GRIK2: variants seen among roughly 807,000 people sequenced by gnomAD.
The protein encoded by GRIK2 is glutamate ionotropic receptor kainate type subunit 2.
A neutral mutation model predicts 100.3 loss-of-function variants in GRIK2; 32 were observed. The observed-to-expected ratio is 0.32, with a 90% CI of 0.24 to 0.43. The LOEUF is 0.43. GRIK2 is among the 20% of genes least tolerant of loss of function. GRIK2 has a pLI of 1.00. For missense variants in GRIK2, 843 were observed against 1,114.9 expected, an observed-to-expected ratio of 0.76 and a Z score of 3.47; for synonymous variants, 417 against 389.4, an observed-to-expected ratio of 1.07 and a Z score of -0.83.
At chr6:101,546,387 C>T (rs1483658639) in intron 2 of GRIK2, among the ~76,000 whole-genome samples, 1 of 152,084 alleles carries the variant, frequency 6.6e-6, no homozygotes, top group African/African-American at 2.4e-5. Context: ...TGAGAATTTT[C>T]TATATCTCCA....
At chr6:101,864,210 C>A (rs1264919465) in intron 11 of GRIK2, among the ~76,000 whole-genome samples, 1 of 151,654 alleles carries the variant, frequency 6.6e-6, no homozygotes, top group East Asian at 1.9e-4. Flanking sequence ...AGGACTATAG[C>A]CTTCTTTAAC....
intron 2 of GRIK2, among the ~76,000 whole-genome samples, chr6:101,535,843 G>C (rs759807053): frequency 6.6e-6 from 1 of 151,454 alleles, no homozygotes; most frequent in Non-Finnish European, 1.5e-5. Flanking sequence ...GCACCTAAAC[G>C]AAGTATTGTG....
intron 7 of GRIK2, among the ~76,000 whole-genome samples, chr6:101,773,478 CAAAA>C (rs10635667): frequency 2.2e-5 from 2 of 88,932 alleles, no homozygotes; most frequent in East Asian, 4.9e-4. Context: ...GACTTTGTCT[CAAAA>C]AAAAAAAAAA....
intron 2 of GRIK2, among the ~76,000 whole-genome samples, chr6:101,522,112 C>T (rs1222587221): frequency 6.6e-6 from 1 of 152,010 alleles, no homozygotes; most frequent in African/African-American, 2.4e-5. Context: ...GGCTAAAAGA[C>T]CACTTTGAAC....
At chr6:101,816,875 C>T (rs1781665082) in intron 9 of GRIK2, among the ~76,000 whole-genome samples, 1 of 152,060 alleles carries the variant, frequency 6.6e-6, no homozygotes, top group African/African-American at 2.4e-5. Context: ...AACATGCAGC[C>T]CCAAGGCACA....
chr6:101,912,911 TTCTTTA>T (rs139584302), intron 12 of GRIK2, among the ~76,000 whole-genome samples: 13,086 of 151,650 alleles, frequency 0.086, 774 homozygotes, highest in Middle Eastern at 0.2. Context: ...CATTTAAAAA[TTCTTTA>T]TCTTTATAGG....
At chr6:101,704,653 A>G (rs1773130198) in intron 7 of GRIK2, among the ~76,000 whole-genome samples, 1 of 151,408 alleles carries the variant, frequency 6.6e-6, no homozygotes, top group South Asian at 2.1e-4. Flanking sequence ...TTTTCAGAAT[A>G]TGTAGCCTCC....
At position 102,068,735 on chromosome 6, in the gene GRIK2, T is replaced by C. The variant is rs566839064; in HGVS notation, c.*224T>C. Reference sequence around the variant, plus strand: ...TTACACGGGGTTACACTGTTAATCATGGGTTCCTCCCTTCTTCTGAGTGAA... The same window carrying C: ...TTACACGGGGTTACACTGTTAATCACGGGTTCCTCCCTTCTTCTGAGTGAA... On this transcript the variant is annotated 3_prime_UTR_variant, in exon 17 of 17. Transcript: ENST00000369134. 64 of 407,656 alleles carry C rather than the reference T, an allele frequency of 1.6e-4. No homozygotes were observed. In the South Asian group the frequency reaches 1.6e-3, roughly 10 times the overall value. The allele number at this position is 407,656 out of a possible 1,614,324, so 25.3% of individuals were successfully genotyped here.
At chr6:101,674,959 A>G (rs1032896669) in intron 4 of GRIK2, among the ~76,000 whole-genome samples, 2 of 152,194 alleles carry the variant, frequency 1.3e-5, no homozygotes, top group African/African-American at 4.8e-5. Context: ...ATATGTATAT[A>G]TGTACTGATG....
intron 4 of GRIK2, among the ~76,000 whole-genome samples, chr6:101,651,343 T>G (rs1342151379): frequency 6.6e-6 from 1 of 152,174 alleles, no homozygotes; most frequent in Non-Finnish European, 1.5e-5. Context: ...CATTCATTCA[T>G]TCATTCAACA....
At chr6:101,470,794 A>G (rs1023031027) in intron 2 of GRIK2, among the ~76,000 whole-genome samples, 5 of 152,232 alleles carry the variant, frequency 3.3e-5, no homozygotes, top group Non-Finnish European at 5.9e-5. Context: ...GAAATCATCA[A>G]TGCAAGAAAA....
chr6:101,679,371 G>A (rs551523624), intron 5 of GRIK2, among the ~76,000 whole-genome samples: 9 of 152,184 alleles, frequency 5.9e-5, no homozygotes, highest in African/African-American at 2.2e-4. Context: ...ATATAGCATA[G>A]CACTACACCA....
intron 7 of GRIK2, among the ~76,000 whole-genome samples, chr6:101,687,284 G>A (rs1038559598): frequency 6.6e-5 from 10 of 151,822 alleles, no homozygotes; most frequent in African/African-American, 2.2e-4. Flanking sequence ...AATTATAAAT[G>A]CCTGATGTTT....
chr6:101,600,797 A>C (rs781097352), intron 2 of GRIK2, among the ~76,000 whole-genome samples: 21 of 151,924 alleles, frequency 1.4e-4, no homozygotes, highest in Non-Finnish European at 2.9e-4. Context: ...TATCAGTTAT[A>C]GGAGCCCTTT....
At chr6:101,651,662 G>C (rs1781799128) in intron 4 of GRIK2, among the ~76,000 whole-genome samples, 1 of 152,096 alleles carries the variant, frequency 6.6e-6, no homozygotes, top group Admixed American at 6.6e-5. Context: ...TCCAGGCAAA[G>C]GATATACATT....
At position 101,804,518 on chromosome 6, in the gene GRIK2, CCAT is replaced by C. The variant is rs551094272; in HGVS notation, c.1203+2083_1203+2085del. Among the ~76,000 whole-genome samples the C allele has an allele frequency of 3.9e-5, 6 of 152,048 alleles. No homozygotes were observed. In the South Asian group the frequency reaches 1.2e-3, roughly 32 times the overall value. The stretch of plus-strand genomic sequence containing the variant: ...TTTGTGACAGAAGGCATTAACTGAA[CCAT>C]CAGCAATGTTGTTAGTTCAAAGACT... On this transcript the variant is annotated intron_variant, in intron 9 of 16. Coordinates refer to ENST00000369134, the MANE Select transcript of GRIK2 (RefSeq NM_021956.5).
chr6:102,044,215 A>G (rs1770756128), intron 15 of GRIK2, among the ~76,000 whole-genome samples: 1 of 152,044 alleles, frequency 6.6e-6, no homozygotes, highest in Admixed American at 6.6e-5. Flanking sequence ...AAGTGAACCA[A>G]TCTTTCTGAT....
At chr6:101,395,852 A>G (rs954385811) in intron 1 of GRIK2, among the ~76,000 whole-genome samples, 1 of 152,120 alleles carries the variant, frequency 6.6e-6, no homozygotes, top group Non-Finnish European at 1.5e-5. Flanking sequence ...GCAGTTTGTT[A>G]TCTCTGCTTT....
intron 16 of GRIK2, among the ~76,000 whole-genome samples, chr6:102,058,511 C>T (rs1336728580): frequency 6.6e-6 from 1 of 151,456 alleles, no homozygotes; most frequent in African/African-American, 2.4e-5. Flanking sequence ...GGAAATGATT[C>T]ATTTTATTTA....
Sources: allele counts gnomAD v4.1 joint callset (sites outside exome capture counted in the v4.1 genomes callset), GRCh38; gene constraint gnomAD v4.1.1; transcripts MANE v1.5; gene names NCBI Gene and HGNC (gene_info 2026-07-23, HGNC 2026-07-21).